PES1: variants seen among roughly 807,000 people sequenced by gnomAD.
PES1 encodes the protein pescadillo homolog.
PES1 carries 31 observed loss-of-function variants against 77.1 expected under a neutral mutation model. The observed-to-expected ratio is 0.40, with a 90% confidence interval of 0.30 to 0.54. The LOEUF is 0.54. Among genes scored for constraint, PES1 ranks in the 20% least tolerant of loss-of-function variants. PES1 has a pLI of 0.45. For synonymous variants in PES1, 282 were observed against 303.0 expected, an observed-to-expected ratio of 0.93 and a Z score of 0.72; for missense variants, 658 against 771.7, an observed-to-expected ratio of 0.85 and a Z score of 1.75.
At chr22:30,586,629 C>A (rs577154786) in intron 4 of PES1, among the ~76,000 whole-genome samples, 14 of 152,150 alleles carry the variant, frequency 9.2e-5, no homozygotes, top group Non-Finnish European at 1.9e-4. Context: ...CCAGACATTG[C>A]CAAATGTCCA....
chr22:30,576,680 C>T lies in PES1; in HGVS notation c.*366G>A, dbSNP rs943052459. 6.7e-6 allele frequency: 2 copies of T among 299,644 alleles called. No homozygotes were observed. The highest frequency in any genetic ancestry group is 5.5e-5 in the South Asian group (1 of 18,174). The allele number at this position is 299,644 out of a possible 1,614,324, so 18.6% of individuals were successfully genotyped here. A position where few individuals can be genotyped will look rare whatever the true frequency, so the allele number is the denominator to read the frequency against. ...TAACAAATGCTCCCCCTACCCTCAC[C>T]CCATCACAGCACCCTGAGAATCACG... is the stretch of plus-strand genomic sequence containing the variant. On this transcript the variant is annotated 3_prime_UTR_variant, in exon 15 of 15. Coordinates refer to ENST00000354694, the MANE Select transcript of PES1 (RefSeq NM_014303.4).
At chr22:30,598,680 C>T (rs1055017964) in intron 2 of PES1, among the ~76,000 whole-genome samples, 1 of 152,020 alleles carries the variant, frequency 6.6e-6, no homozygotes, top group Non-Finnish European at 1.5e-5. Flanking sequence ...CCCCGCACCT[C>T]GGCCTCCCAA....
At chr22:30,599,716 A>C (rs1361888002) in intron 2 of PES1, among the ~76,000 whole-genome samples, 1 of 150,262 alleles carries the variant, frequency 6.7e-6, no homozygotes, top group Admixed American at 6.6e-5. Flanking sequence ...CCTGACCAAC[A>C]TGGAGAAACC....
In PES1 at chr22:30,584,543, C is replaced by CA. The variant is rs1363311037; in HGVS notation, c.540+2dup. On this transcript the variant is annotated splice_region_variant and intron_variant, in intron 5 of 14. Coordinates refer to ENST00000354694, the MANE Select transcript of PES1 (RefSeq NM_014303.4). ...GATGCCAGCCGGGCAGTCCCAGGCTCACCTTGCGCAGGGCACGGGCAGCGA... is the reference window on the plus strand; with the variant it reads ...GATGCCAGCCGGGCAGTCCCAGGCTCAACCTTGCGCAGGGCACGGGCAGCGA... 6.2e-7 allele frequency: 1 copy of CA among 1,610,298 alleles called. No homozygotes were observed. The highest frequency in any genetic ancestry group is 1.1e-5 in the South Asian group (1 of 90,564).
In PES1 at chr22:30,601,458, G is replaced by A. The variant is rs866839937; in HGVS notation, c.-661+4003C>T. 3.0e-4 allele frequency among the ~76,000 whole-genome samples: 45 copies of A among 152,234 alleles called. 1 individual carries two copies. The Middle Eastern group carries it at 0.017, about 58-fold the overall frequency. ...GCCCCGAGTAGCTGGGATTGCAGGT[G>A]TGAACCACCATGTTTGGCTCATTTT... On this transcript the variant is annotated intron_variant, in intron 2 of 16. Transcript: ENST00000402281.
At chr22:30,592,075 T>C (rs1569028637), upstream of PES1, 3 of 1,344,910 alleles carry the variant, frequency 2.2e-6, no homozygotes, top group South Asian at 3.9e-5. Flanking sequence ...CTCACAATGG[T>C]TACAAACACT....
intron 3 of PES1, 122 bp downstream of exon 3, chr22:30,587,899 C>T: frequency 1.0e-6 from 1 of 963,634 alleles, no homozygotes. Context: ...TCTGTTGAGG[C>T]TCACCCTGCC....
upstream of PES1, chr22:30,592,306 C>A: frequency 2.0e-6 from 2 of 992,154 alleles, no homozygotes; most frequent in Non-Finnish European, 2.4e-6. Flanking sequence ...CTTCGGCTGC[C>A]GCTGCTGAGA....
intron 14 of PES1, among the ~76,000 whole-genome samples, chr22:30,577,650 G>A (rs971471011): frequency 4.6e-5 from 7 of 151,964 alleles, no homozygotes; most frequent in African/African-American, 1.2e-4. Flanking sequence ...ACCACCATGC[G>A]TAGCCCTTTC....
chr22:30,592,257 A>G (rs552029814), upstream of PES1: 11 of 1,005,070 alleles, frequency 1.1e-5, no homozygotes, highest in Middle Eastern at 2.8e-4. Flanking sequence ...GCGCGATAGG[A>G]TTGCGTTGTC....
In PES1 at chr22:30,579,953, G is replaced by A. The variant is rs564336756; in HGVS notation, c.1170-18C>T. The A allele has an allele frequency of 3.7e-6, 6 of 1,611,294 alleles. No individual in the cohort carries two copies. The highest frequency in any genetic ancestry group is 5.1e-6 in the Non-Finnish European group (6 of 1,178,032). Reference sequence around the variant, plus strand: ...CGTAGCACCTGGCGCAGAGTGGCAGGCAAAAACGAGTCACAGAGGGCAACT... The same window carrying A: ...CGTAGCACCTGGCGCAGAGTGGCAGACAAAAACGAGTCACAGAGGGCAACT... On this transcript the variant is annotated intron_variant, in intron 11 of 14. Coordinates refer to ENST00000354694, the MANE Select transcript of PES1 (RefSeq NM_014303.4).
At chr22:30,587,221 G>T in intron 4 of PES1, 65 bp downstream of exon 4, 1 of 1,152,676 alleles carries the variant, frequency 8.7e-7, no homozygotes, top group Non-Finnish European at 1.3e-6. Flanking sequence ...TTGTATCCCT[G>T]GTGCTAGGGC....
intron 2 of PES1, among the ~76,000 whole-genome samples, chr22:30,602,798 G>T (rs1222525653): frequency 6.6e-6 from 1 of 152,186 alleles, no homozygotes; most frequent in East Asian, 1.9e-4. Context: ...AAAGGTGTAT[G>T]TTTAGGTTGA....
rs1435819255 is a variant in PES1 at position 30,587,302 on chromosome 22, G to A, written c.352C>T (p.His118Tyr). ...CCGGCTCACCGTTCCTTGATGATGTGGTCGAGTTTGTAGTTGGGCTTATTG... is the reference window on the plus strand; with the variant it reads ...CCGGCTCACCGTTCCTTGATGATGTAGTCGAGTTTGTAGTTGGGCTTATTG... ...KDNKPNYKLD[H>Y]IIKERYPTFI... The change falls in exon 4 of 15, where the codon CAC (histidine) becomes TAC (tyrosine). Residue 118 changes from histidine to tyrosine, a missense_variant. Physicochemically the swap from His to Tyr is moderately conservative, Grantham distance 83. Coordinates refer to ENST00000354694, the MANE Select transcript of PES1 (RefSeq NM_014303.4). 6.2e-7 allele frequency: 1 copy of A among 1,611,154 alleles called. No individual in the cohort carries two copies. The highest frequency in any genetic ancestry group is 8.5e-7 in the Non-Finnish European group (1 of 1,177,824).
At chr22:30,598,740 G>A (rs1201014289) in intron 2 of PES1, among the ~76,000 whole-genome samples, 3 of 151,808 alleles carry the variant, frequency 2.0e-5, no homozygotes, top group African/African-American at 4.8e-5. Flanking sequence ...AAAGCTGTAA[G>A]ATTTTTATTT....
chr22:30,587,058 G>A (rs571045799), intron 4 of PES1: 24 of 514,992 alleles, frequency 4.7e-5, no homozygotes, highest in Admixed American at 1.4e-4. Context: ...GTGCTTCCGC[G>A]GGCTGGCTCA....
At chr22:30,591,755 C>A in intron 1 of PES1, 55 bp downstream of exon 1, 1 of 1,539,866 alleles carries the variant, frequency 6.5e-7, no homozygotes. Context: ...CGACCCCATG[C>A]TCTGCCGCCC....
In PES1 at chr22:30,589,217, C is replaced by A. The variant is rs1311099660; in HGVS notation, c.78G>T (p.Lys26Asn). The part of the protein sequence containing the change: ...NYITRNKARK[K>N]LQLSLADFRR... ...TAAAGTCAGCCAAGCTCAGCTGGAGCTTCTTCCGGGCTTTGTTCCGGGTGA... is the reference window on the plus strand; with the variant it reads ...TAAAGTCAGCCAAGCTCAGCTGGAGATTCTTCCGGGCTTTGTTCCGGGTGA... The change falls in exon 2 of 15, where the codon AAG becomes AAT. Residue 26 changes from lysine (K) to asparagine (N), a missense_variant. By Grantham distance (94) the Lys-to-Asn change is moderately conservative (BLOSUM62 0). Transcript: ENST00000354694. 5.0e-6 allele frequency: 8 copies of A among 1,613,918 alleles called. No individual in the cohort carries two copies. Among genetic ancestry groups the A allele is most frequent in the African/African-American group, 1.3e-5 (1 of 74,936 alleles).
intron 7 of PES1, 45 bp downstream of exon 7, chr22:30,581,483 G>A (rs780736026): frequency 2.5e-6 from 4 of 1,604,588 alleles, no homozygotes; most frequent in Admixed American, 1.7e-5. Flanking sequence ...GAGAAGGGCT[G>A]TGGCCCCTGC....
Sources: gnomAD v4.1 joint callset for allele counts (sites outside exome capture counted in the v4.1 genomes callset) on GRCh38, gnomAD v4.1.1 for gene constraint, MANE v1.5 for transcripts, NCBI Gene and HGNC (gene_info 2026-07-23, HGNC 2026-07-21) for gene names.